FAM20C: variants seen among roughly 807,000 people sequenced by gnomAD.
FAM20C encodes FAM20C golgi associated secretory pathway kinase.
In FAM20C, 40 loss-of-function variants were observed where a neutral mutation model predicts 51.5. The ratio of observed to expected loss-of-function variants is 0.78; its 90% CI spans 0.60 to 1.01. The LOEUF is 1.01. Among genes scored for constraint, FAM20C ranks in the 50% least tolerant of loss-of-function variants. The pLI is 0.00. For synonymous variants in FAM20C, 406 were observed against 380.6 expected (o/e 1.07, Z -0.78); for missense variants, 861 against 844.7 (o/e 1.02, Z -0.24).
At chr7:245,067 C>T (rs571303648) in intron 3 of FAM20C, among the ~76,000 whole-genome samples, 10 of 152,338 alleles carry the variant, frequency 6.6e-5, no homozygotes, top group East Asian at 1.9e-4. Flanking sequence ...CCCCGCTGTT[C>T]GTGTGGCGAT....
In FAM20C at chr7:255,956, G is replaced by T. The variant is rs957382509; in HGVS notation, c.1180G>T (p.Asp394Tyr). 2 of 1,536,080 alleles carry T rather than the reference G, an allele frequency of 1.3e-6. No individual in the cohort carries two copies. Among genetic ancestry groups the T allele is most frequent in the East Asian group, 2.4e-5 (1 of 40,910 alleles). Residue 394 changes from aspartate (D) to tyrosine (Y), a missense_variant, in exon 6 of 10, where the codon GAC becomes TAC. By Grantham distance (160) the Asp-to-Tyr change is radical (BLOSUM62 -3). Transcript: ENST00000313766. ...GGGCTCGCTGGCGGCCTTCCTGCCC[G>T]ACCTGTCCCTGGCCAAGAGGAAGAC... is the stretch of plus-strand genomic sequence containing the variant. The part of the protein sequence containing the change: ...IEGSLAAFLP[D>Y]LSLAKRKTWR...
At chr7:256,189 A>G in intron 6 of FAM20C, 160 bp downstream of exon 6, 3 of 912,992 alleles carry the variant, frequency 3.3e-6, no homozygotes, top group Non-Finnish European at 4.8e-6. Context: ...TCCTGATGAG[A>G]CGGTGGCAGA....
At chr7:242,582 G>A (rs910748937) in intron 3 of FAM20C, among the ~76,000 whole-genome samples, 39 of 152,254 alleles carry the variant, frequency 2.6e-4, no homozygotes, top group African/African-American at 9.1e-4. Context: ...GCCAGGGAGC[G>A]GGATGGACAG....
chr7:259,233 TGAG>T (rs1788770948), intron 9 of FAM20C, among the ~76,000 whole-genome samples: 1 of 148,452 alleles, frequency 6.7e-6, no homozygotes, highest in Non-Finnish European at 1.5e-5. Context: ...TCCTCCTGGG[TGAG>T]CGGGCCGCCC....
At chr7:197,556 C>T (rs1785937973) in intron 2 of FAM20C, 1 of 165,618 alleles carries the variant, frequency 6.0e-6, no homozygotes, top group Non-Finnish European at 1.5e-5. Context: ...TGCGTGGGAC[C>T]AATGCAAGGA....
Position 243,735 on chromosome 7 carries a change from G to T in FAM20C, c.864-2680G>T, listed in dbSNP as rs1210944896. On this transcript the variant is annotated intron_variant, in intron 3 of 9. Coordinates refer to ENST00000313766, the MANE Select transcript of FAM20C (RefSeq NM_020223.4). Reference sequence around the variant, plus strand: ...CCCAAGAGACCTGTGCCACCCGGGAGACCTGTGCCACCCGGGAGACCTGTG... The same window carrying T: ...CCCAAGAGACCTGTGCCACCCGGGATACCTGTGCCACCCGGGAGACCTGTG... Among the ~76,000 whole-genome samples, 6 of 147,688 alleles carry T rather than the reference G, an allele frequency of 4.1e-5. No homozygotes were observed. The East Asian group carries it at 1.2e-3, about 30-fold the overall frequency.
chr7:256,963 C>T (rs758891729), intron 7 of FAM20C, 42 bp from the exon 8 acceptor site: 310 of 1,532,886 alleles, frequency 2.0e-4, no homozygotes, highest in Non-Finnish European at 2.5e-4. Flanking sequence ...CTACGTGGCC[C>T]GGCTCCCCAC....
Position 193,606 on chromosome 7 carries a change from A to G in FAM20C, c.407A>G (p.His136Arg). 1.3e-6 allele frequency: 2 copies of G among 1,532,180 alleles called. No homozygotes were observed. Among genetic ancestry groups the G allele is most frequent in the Non-Finnish European group, 1.8e-6 (2 of 1,140,008 alleles). 94.9% of individuals were successfully genotyped at this position (1,532,180 alleles called of 1,614,324 possible). A position where few individuals can be genotyped will look rare whatever the true frequency, so the allele number is the denominator to read the frequency against. ...GCCCTAAGACCCCACGACCCCGCGC[A>G]CCGGCCGCTGCTGCGAGACCCCGGC... ...PGALRPHDPAHRPLLRDPGPR... is the reference protein window; with the variant it reads ...PGALRPHDPARRPLLRDPGPR... Residue 136 changes from histidine to arginine, a missense_variant, in exon 1 of 10, where the codon CAC (histidine) becomes CGC (arginine). His to Arg is a conservative substitution (Grantham distance 29). Transcript: ENST00000313766.
In FAM20C at chr7:259,833, C is replaced by A; in HGVS notation, c.1608C>A (p.Pro536=). 6.5e-7 allele frequency: 1 copy of A among 1,536,220 alleles called. No homozygotes were observed. The highest frequency in any genetic ancestry group is 8.7e-7 in the Non-Finnish European group (1 of 1,146,880). The part of the protein sequence containing the change: ...AESLRGDQVA[P]VLYQPHLEAL... ...CTCTGCGGGGGGACCAGGTGGCACC[C>A]GTGCTGTACCAGCCGCACCTGGAGG... Residue 536 remains proline, a synonymous_variant, in exon 10 of 10, where the codon CCC becomes CCA. Transcript: ENST00000313766.
Position 193,491 on chromosome 7 carries a change from C to T in FAM20C, c.292C>T (p.Pro98Ser). The T allele has an allele frequency of 6.7e-7, 1 of 1,503,008 alleles. No individual in the cohort carries two copies. The highest frequency in any genetic ancestry group is 8.9e-7 in the Non-Finnish European group (1 of 1,122,658). The allele number at this position is 1,503,008 out of a possible 1,614,324, so 93.1% of individuals were successfully genotyped here. The change falls in exon 1 of 10, where the codon CCC becomes TCC. Residue 98 changes from proline (P) to serine (S), a missense_variant. By Grantham distance (74) the Pro-to-Ser change is moderately conservative. Transcript: ENST00000313766. ...CATCCTGCAGGACTTCAGCTCCGAC[C>T]CCTCCTCCAACCTCTCGTCCCACTC... ...LRILQDFSSD[P>S]SSNLSSHSLE...
At chr7:248,700 G>A (rs1363591132) in intron 5 of FAM20C, among the ~76,000 whole-genome samples, 2 of 144,210 alleles carry the variant, frequency 1.4e-5, no homozygotes, top group East Asian at 4.2e-4. Flanking sequence ...CTGGCACGGG[G>A]GCCCGCATTC....
chr7:256,596 C>T (rs187349552), intron 6 of FAM20C, 58 bp from the exon 7 acceptor site: 77 of 1,386,418 alleles, frequency 5.6e-5, no homozygotes, highest in African/African-American at 3.6e-4. Context: ...CCTCATGGCA[C>T]GCGCCGGGCT....
intron 8 of FAM20C, among the ~76,000 whole-genome samples, chr7:257,721 G>A (rs1227973232): frequency 6.6e-6 from 1 of 151,492 alleles, no homozygotes. Flanking sequence ...CAGGGCTGGG[G>A]ACAGGCGGGG....
intron 5 of FAM20C, among the ~76,000 whole-genome samples, chr7:254,427 C>T (rs1045011032): frequency 6.6e-6 from 1 of 152,220 alleles, no homozygotes; most frequent in Non-Finnish European, 1.5e-5. Flanking sequence ...TCTACAGCCC[C>T]AGGCTTTCCA....
chr7:246,896 G>C (rs1788189529), intron 4 of FAM20C, among the ~76,000 whole-genome samples: 1 of 152,176 alleles, frequency 6.6e-6, no homozygotes, highest in Non-Finnish European at 1.5e-5. Flanking sequence ...CTGTCACCGA[G>C]GGAGAGGGCG....
chr7:218,494 T>C (rs28626936), intron 3 of FAM20C, among the ~76,000 whole-genome samples: 49,144 of 151,966 alleles, frequency 0.32, 8,067 homozygotes, highest in East Asian at 0.51. Flanking sequence ...GCCGGGGAGC[T>C]GAAGGGAGGC....
intron 8 of FAM20C, 158 bp downstream of exon 8, chr7:257,244 C>A: frequency 1.3e-6 from 1 of 752,222 alleles, no homozygotes; most frequent in Non-Finnish European, 2.1e-6. Flanking sequence ...CAGAGGGCGG[C>A]CCCAGGCCCC....
Position 193,516 on chromosome 7 carries a change from C to T in FAM20C, c.317C>T (p.Ser106Leu). 1.3e-6 allele frequency: 2 copies of T among 1,501,846 alleles called. No individual in the cohort carries two copies. The highest frequency in any genetic ancestry group is 1.8e-6 in the Non-Finnish European group (2 of 1,122,460). 93.0% of individuals were successfully genotyped at this position (1,501,846 alleles called of 1,614,324 possible). ...SDPSSNLSSHSLEKLPPAAEP... is the reference protein window; with the variant it reads ...SDPSSNLSSHLLEKLPPAAEP... Reference sequence around the variant, plus strand: ...CCCTCCTCCAACCTCTCGTCCCACTCGCTGGAGAAACTGCCGCCCGCGGCC... The same window carrying T: ...CCCTCCTCCAACCTCTCGTCCCACTTGCTGGAGAAACTGCCGCCCGCGGCC... Residue 106 changes from serine to leucine, a missense_variant, in exon 1 of 10, where the codon TCG (serine) becomes TTG (leucine). Ser to Leu is a moderately radical substitution (Grantham distance 145). Coordinates refer to ENST00000313766, the MANE Select transcript of FAM20C (RefSeq NM_020223.4).
At chr7:206,536 T>C (rs111501611) in intron 2 of FAM20C, among the ~76,000 whole-genome samples, 2,954 of 36,020 alleles carry the variant, frequency 0.082, 26 homozygotes, top group Middle Eastern at 0.16. Flanking sequence ...CCCTCGGCCC[T>C]GCACACGTGT....
Sources: allele counts gnomAD v4.1 joint callset (sites outside exome capture counted in the v4.1 genomes callset), GRCh38; gene constraint gnomAD v4.1.1; transcripts MANE v1.5; gene names NCBI Gene and HGNC (gene_info 2026-07-23, HGNC 2026-07-21).